Variants in SRP68 observed in about 807,000 individuals in gnomAD.
SRP68 encodes signal recognition particle subunit SRP68.
In SRP68, 15 loss-of-function variants were observed where a neutral mutation model predicts 82.2. The ratio of observed to expected loss-of-function variants is 0.18; its 90% confidence interval spans 0.12 to 0.28. The LOEUF (loss-of-function observed/expected upper bound fraction) is 0.28, where lower values mean the gene tolerates loss of function less well. Among genes scored for constraint, SRP68 ranks in the 10% least tolerant of loss-of-function variants. The probability of loss-of-function intolerance (pLI) is 1.00; values close to 1 mark genes in which losing one functional copy is unlikely to be tolerated. For missense variants in SRP68, 595 were observed against 780.5 expected (o/e 0.76, Z 2.83); for synonymous variants, 261 against 292.6 (o/e 0.89, Z 1.10).
Position 76,039,605 on chromosome 17 carries a change from G to T in SRP68, c.*101C>A. ...CCGAAGATGTTAAACTCTTGCCCCG[G>T]GCCAATGCAGACCTGGATTTAATAT... On this transcript the variant is annotated 3_prime_UTR_variant, in exon 16 of 16. Coordinates refer to ENST00000307877, the MANE Select transcript of SRP68 (RefSeq NM_014230.4). 1.7e-6 allele frequency: 2 copies of T among 1,157,220 alleles called. No individual in the cohort carries two copies. The highest frequency in any genetic ancestry group is 2.5e-6 in the Non-Finnish European group (2 of 807,454). The allele number at this position is 1,157,220 out of a possible 1,614,324, so 71.7% of individuals were successfully genotyped here. A position where few individuals can be genotyped will look rare whatever the true frequency, so the allele number is the denominator to read the frequency against.
At chr17:76,069,638 C>T (rs1159121027) in intron 2 of SRP68, among the ~76,000 whole-genome samples, 6 of 151,626 alleles carry the variant, frequency 4.0e-5, no homozygotes, top group Admixed American at 6.6e-5. Context: ...ACCCGGGAGG[C>T]GGAGGTTGCA....
At chr17:76,059,852 G>A (rs1269983417) in intron 7 of SRP68, among the ~76,000 whole-genome samples, 1 of 150,430 alleles carries the variant, frequency 6.6e-6, no homozygotes, top group Non-Finnish European at 1.5e-5. Flanking sequence ...TGGGCCGGGC[G>A]CGGTGGCTCA....
chr17:76,050,062 C>T (rs1386584091), intron 9 of SRP68, among the ~76,000 whole-genome samples: 1 of 152,120 alleles, frequency 6.6e-6, no homozygotes, highest in African/African-American at 2.4e-5. Flanking sequence ...GGTTTGGTGA[C>T]AGGGACAAAA....
At position 76,069,912 on chromosome 17, in the gene SRP68, A is replaced by C. The variant is rs532625414; in HGVS notation, c.251+466T>G. ...GCCAACATGGCGAAACCCCATCTCT[A>C]CTAAAAATACAAAAATTAGCCAGGC... On this transcript the variant is annotated intron_variant, in intron 2 of 15. Coordinates refer to ENST00000307877, the MANE Select transcript of SRP68 (RefSeq NM_014230.4). Among the ~76,000 whole-genome samples, 4 of 151,608 alleles carry C rather than the reference A, an allele frequency of 2.6e-5. No homozygotes were observed. In the East Asian group the frequency reaches 7.8e-4, roughly 30 times the overall value.
intron 6 of SRP68, 33 bp downstream of exon 6, chr17:76,061,077 A>G: frequency 7.5e-7 from 1 of 1,324,996 alleles, no homozygotes; most frequent in Non-Finnish European, 1.1e-6. Flanking sequence ...TCAATGTTCA[A>G]GTTGAGTATA....
chr17:76,045,485 A>G, intron 11 of SRP68, 99 bp from the exon 12 acceptor site: 1 of 924,504 alleles, frequency 1.1e-6, no homozygotes, highest in South Asian at 1.5e-5. Flanking sequence ...GAGGAAAAAA[A>G]AAAGCCCGAG....
At chr17:76,054,895 CAG>C (rs759514685) in intron 8 of SRP68, among the ~76,000 whole-genome samples, 5 of 151,654 alleles carry the variant, frequency 3.3e-5, no homozygotes, top group Non-Finnish European at 4.4e-5. Flanking sequence ...TAAAAAGAAA[CAG>C]TGCTTTCCTT....
Position 76,040,960 on chromosome 17 carries a change from C to T in SRP68, c.1543G>A (p.Glu515Lys). ...TCTGACCGCACTTGAGTGATGAGCT[C>T]TTGCACATCAGGCAGGTCCTGTAAG... Reference protein sequence around the residue: ...NSLKDLPDVQELITQVRSEKC... With the variant: ...NSLKDLPDVQKLITQVRSEKC... The change falls in exon 14 of 16, where the codon GAG becomes AAG. Residue 515 changes from glutamate (E) to lysine (K), a missense_variant. This residue lies in a region of SRP68 where 495 missense variants were observed against 688.6 expected (regional missense o/e 0.72). Transcript: ENST00000307877. 2 of 1,613,994 alleles carry T rather than the reference C, an allele frequency of 1.2e-6. No individual in the cohort carries two copies. Among genetic ancestry groups the T allele is most frequent in the Non-Finnish European group, 1.7e-6 (2 of 1,179,914 alleles).
intron 13 of SRP68, among the ~76,000 whole-genome samples, chr17:76,042,631 C>T (rs2066600470): frequency 6.6e-6 from 1 of 151,980 alleles, no homozygotes; most frequent in African/African-American, 2.4e-5. Flanking sequence ...GTCACTCAGG[C>T]TGGAGTGCAG....
intron 8 of SRP68, among the ~76,000 whole-genome samples, chr17:76,055,199 T>A (rs1418834270): frequency 2.0e-5 from 3 of 152,010 alleles, no homozygotes; most frequent in Non-Finnish European, 4.4e-5. Flanking sequence ...ACTCCTGATC[T>A]CAGGTAATCC....
chr17:76,056,323 C>G (rs141404843), intron 8 of SRP68, among the ~76,000 whole-genome samples: 15 of 152,226 alleles, frequency 9.9e-5, no homozygotes, highest in Middle Eastern at 3.4e-3. Context: ...CAGCATTGAT[C>G]ACTTTTAAAA....
At chr17:76,048,125 TA>T in intron 9 of SRP68, 155 bp from the exon 10 acceptor site, 1 of 369,056 alleles carries the variant, frequency 2.7e-6, no homozygotes, top group Non-Finnish European at 5.1e-6. Flanking sequence ...ATACTTGACA[TA>T]ATCTAGAATG....
Sources: gnomAD v4.1 joint callset for allele counts (sites outside exome capture counted in the v4.1 genomes callset) on GRCh38, gnomAD v4.1.1 for gene constraint, gnomAD v4.1.1 regional missense constraint, MANE v1.5 for transcripts, NCBI Gene and HGNC (gene_info 2026-07-23, HGNC 2026-07-21) for gene names.